The following ADGRE3 variants were observed in gnomAD, a reference collection of about 807,000 sequenced individuals.
The protein encoded by ADGRE3 is EGF-like module receptor 3.
ADGRE3 carries 88 observed loss-of-function variants against 80.1 expected under a neutral mutation model. The ratio of observed to expected loss-of-function variants is 1.10; its 90% CI spans 0.93 to 1.31. The LOEUF (loss-of-function observed/expected upper bound fraction) is 1.31. ADGRE3 is among the 40% of genes most tolerant of loss of function. The probability of loss-of-function intolerance (pLI) is 0.00; values close to 1 mark genes in which losing one functional copy is unlikely to be tolerated. For synonymous variants in ADGRE3, 281 were observed against 294.8 expected, an observed-to-expected ratio of 0.95 and a Z score of 0.48; for missense variants, 715 against 776.5, an observed-to-expected ratio of 0.92 and a Z score of 0.94.
Position 14,630,043 on chromosome 19 carries a change from T to C in ADGRE3, c.1808A>G (p.Gln603Arg). 1 of 1,603,384 alleles carries C rather than the reference T, an allele frequency of 6.2e-7. No individual in the cohort carries two copies. The highest frequency in any genetic ancestry group is 1.3e-5 in the African/African-American group (1 of 74,548). The change falls in exon 14 of 16, where the codon CAG becomes CGG. Residue 603 changes from glutamine (Q) to arginine (R), a missense_variant. Coordinates refer to ENST00000253673, the MANE Select transcript of ADGRE3 (RefSeq NM_032571.5). ...FIFLVYCLLSQQVQKQYQKWF... is the reference protein window; with the variant it reads ...FIFLVYCLLSRQVQKQYQKWF... ...AAGAAAGGGGTCAGTGTTTACCTGC[T>C]GGCTGAGGAGGCAGTAGACCAAGAA...
At chr19:14,627,472 G>A (rs1044945471) in intron 14 of ADGRE3, among the ~76,000 whole-genome samples, 1 of 152,144 alleles carries the variant, frequency 6.6e-6, no homozygotes, top group Non-Finnish European at 1.5e-5. Flanking sequence ...CTGCCTGCCA[G>A]GTTAAAGTGA....
At chr19:14,636,138 CT>C (rs71166772) in intron 11 of ADGRE3, among the ~76,000 whole-genome samples, 3 of 84,322 alleles carry the variant, frequency 3.6e-5, no homozygotes, top group East Asian at 3.2e-4. Context: ...TTCTTTCTTT[CT>C]TTCTTTCTTT....
chr19:14,655,913 A>G (rs900781316), intron 5 of ADGRE3, among the ~76,000 whole-genome samples: 3 of 152,098 alleles, frequency 2.0e-5, no homozygotes, highest in African/African-American at 7.2e-5. Context: ...TCACTGTCGC[A>G]ACAAGGGAGT....
intron 2 of ADGRE3, among the ~76,000 whole-genome samples, chr19:14,665,936 G>GTGTA (rs1555763977): frequency 8.8e-4 from 37 of 42,102 alleles, no homozygotes; most frequent in Middle Eastern, 0.021. Flanking sequence ...ACACATATGT[G>GTGTA]TATATATATA....
intron 3 of ADGRE3, among the ~76,000 whole-genome samples, chr19:14,662,416 T>C (rs8105206): frequency 0.31 from 46,830 of 152,048 alleles, 7,358 homozygotes; most frequent in Middle Eastern, 0.42. Context: ...GACGGAGTCT[T>C]GCTCTGTCAT....
intron 6 of ADGRE3, among the ~76,000 whole-genome samples, chr19:14,654,543 T>C (rs1013532229): frequency 6.6e-6 from 1 of 152,052 alleles, no homozygotes; most frequent in Non-Finnish European, 1.5e-5. Context: ...GGGAATACAG[T>C]CGTGAGCCAT....
rs545238850 is a variant in ADGRE3, at chr19:14,662,847, G to C, written c.199+571C>G. ...TTTGGGAGGCCGAGGCGGGAGGATT[G>C]CTTGAGCTCAGGAGTTTGAGACCAG... On this transcript the variant is annotated intron_variant, in intron 3 of 15. Coordinates refer to ENST00000253673, the MANE Select transcript of ADGRE3 (RefSeq NM_032571.5). 7.0e-3 allele frequency among the ~76,000 whole-genome samples: 951 copies of C among 136,470 alleles called. 5 individuals carry two copies. Among genetic ancestry groups the C allele is most frequent in the Non-Finnish European group, 9.4e-3 (621 of 66,166 alleles). 89.5% of individuals were successfully genotyped at this position (136,470 alleles called of 152,430 possible).
chr19:14,672,820 G>T (rs1972290645), intron 1 of ADGRE3, among the ~76,000 whole-genome samples: 1 of 151,620 alleles, frequency 6.6e-6, no homozygotes, highest in Non-Finnish European at 1.5e-5. Flanking sequence ...TTGCTATGTT[G>T]CTCAGTCTGG....
At chr19:14,606,060 T>C in the ADGRE3 span, among the ~76,000 whole-genome samples, 4 of 152,066 alleles carry the variant, frequency 2.6e-5, no homozygotes, top group Admixed American at 2.6e-4. Context: ...ATACCAAAGC[T>C]AGGAAACCTA....
At chr19:14,658,624 A>C in intron 4 of ADGRE3, 74 bp from the exon 5 acceptor site, 1 of 1,096,750 alleles carries the variant, frequency 9.1e-7, no homozygotes, top group Non-Finnish European at 1.3e-6. Flanking sequence ...AGGTGGGGTA[A>C]GTAATGGGGT....
the ADGRE3 span, chr19:14,611,051 T>C: frequency 3.3e-5 from 5 of 151,860 alleles, no homozygotes; most frequent in East Asian, 9.7e-4. Context: ...CAGAAAAATT[T>C]CCCTTTGAGC....
chr19:14,669,110 T>C (rs1972182020), intron 1 of ADGRE3, among the ~76,000 whole-genome samples: 1 of 152,128 alleles, frequency 6.6e-6, no homozygotes, highest in African/African-American at 2.4e-5. Context: ...ACACCTGCAC[T>C]CATACATTTA....
Position 14,665,957 on chromosome 19 carries a change from T to TGC in ADGRE3, c.77-2418_77-2417insGC, listed in dbSNP as rs1568500825. ...ATGTGTATATATATATATATATATA[T>TGC]ATATATATATATATATATATAGTGT... is the stretch of plus-strand genomic sequence containing the variant. On this transcript the variant is annotated intron_variant, in intron 2 of 15. Coordinates refer to ENST00000253673, the MANE Select transcript of ADGRE3 (RefSeq NM_032571.5). 1.9e-4 allele frequency among the ~76,000 whole-genome samples: 24 copies of TGC among 123,534 alleles called. 6 individuals are homozygous for TGC. Among genetic ancestry groups the TGC allele is most frequent in the Admixed American group, 4.1e-4 (5 of 12,234 alleles). The allele number at this position is 123,534 out of a possible 152,430, so 81.0% of individuals were successfully genotyped here.
chr19:14,657,516 C>T lies in ADGRE3; in HGVS notation c.393+997G>A, dbSNP rs143898708. ...ACTCACACACTGTCATATGTATGTACGTACATGCACACTGTGTGTGTCTAT... is the reference window on the plus strand; with the variant it reads ...ACTCACACACTGTCATATGTATGTATGTACATGCACACTGTGTGTGTCTAT... On this transcript the variant is annotated intron_variant, in intron 5 of 15. Transcript: ENST00000253673. Among the ~76,000 whole-genome samples the T allele has an allele frequency of 4.0e-3, 608 of 151,310 alleles. 1 individual carries two copies. The highest frequency in any genetic ancestry group is 0.01 in the Middle Eastern group (3 of 294).
At chr19:14,617,342 C>CTTTCTT (rs2075083734), downstream of ADGRE3, among the ~76,000 whole-genome samples, 15 of 20,628 alleles carry the variant, frequency 7.3e-4, no homozygotes, top group Middle Eastern at 0.045. Flanking sequence ...CCCTCCCTCC[C>CTTTCTT]TTTCTTTCTT....
chr19:14,600,675 G>A, the ADGRE3 span, among the ~76,000 whole-genome samples: 1,812 of 150,752 alleles, frequency 0.012, 34 homozygotes, highest in African/African-American at 0.042. Context: ...TCCGCCTCCC[G>A]GGTTCACGCC....
chr19:14,632,542 C>T (rs1568478620), intron 13 of ADGRE3, among the ~76,000 whole-genome samples: 2 of 152,140 alleles, frequency 1.3e-5, no homozygotes, highest in African/African-American at 2.4e-5. Context: ...TATATTACCT[C>T]CTTCCCATGG....
At chr19:14,612,942 T>C in the ADGRE3 span, among the ~76,000 whole-genome samples, 1 of 151,968 alleles carries the variant, frequency 6.6e-6, no homozygotes, top group South Asian at 2.1e-4. Context: ...TTTTTTTTTT[T>C]TGTGACAGAG....
intron 4 of ADGRE3, among the ~76,000 whole-genome samples, chr19:14,659,781 A>C (rs1261578564): frequency 7.7e-6 from 1 of 129,752 alleles, no homozygotes; most frequent in Admixed American, 9.2e-5. Flanking sequence ...AAATGACACC[A>C]CTGCACTCCA....
Sources: gnomAD v4.1 joint callset for allele counts (sites outside exome capture counted in the v4.1 genomes callset) on GRCh38, gnomAD v4.1.1 for gene constraint, MANE v1.5 for transcripts, NCBI Gene and HGNC (gene_info 2026-07-23, HGNC 2026-07-21) for gene names.